TRAK1: variants seen among roughly 807,000 people sequenced by gnomAD.
TRAK1 encodes trafficking kinesin-binding protein 1.
TRAK1 carries 33 observed loss-of-function variants against 92.1 expected under a neutral mutation model. That is an observed-to-expected ratio of 0.36 (90% CI 0.27 to 0.48). The LOEUF (loss-of-function observed/expected upper bound fraction) is 0.48, where lower values mean the gene tolerates loss of function less well. Among genes scored for constraint, TRAK1 ranks in the 20% least tolerant of loss-of-function variants. The pLI is 0.99. For synonymous variants in TRAK1, 521 were observed against 517.3 expected, an observed-to-expected ratio of 1.01 and a Z score of -0.10; for missense variants, 1,123 against 1,257.9, an observed-to-expected ratio of 0.89 and a Z score of 1.62.
chr3:42,134,390 G>A (rs1697655000), intron 2 of TRAK1, among the ~76,000 whole-genome samples: 1 of 151,066 alleles, frequency 6.6e-6, no homozygotes, highest in African/African-American at 2.4e-5. Flanking sequence ...TGATCCTTCT[G>A]TCTCAGCCTC....
intron 15 of TRAK1, among the ~76,000 whole-genome samples, chr3:42,221,071 CTT>C (rs369421571): frequency 0.27 from 23,073 of 84,662 alleles, 2,008 homozygotes; most frequent in Middle Eastern, 0.35. Flanking sequence ...AGAGAAGGCT[CTT>C]TTTTTTTTTT....
At chr3:42,211,230 C>G in intron 14 of TRAK1, 2 of 985,342 alleles carry the variant, frequency 2.0e-6, no homozygotes, top group Non-Finnish European at 2.4e-6. Flanking sequence ...TGGTGTCTCC[C>G]ATTCCCCTGG....
At chr3:42,111,914 T>C (rs182384250) in intron 1 of TRAK1, among the ~76,000 whole-genome samples, 3 of 148,734 alleles carry the variant, frequency 2.0e-5, no homozygotes, top group African/African-American at 7.7e-5. Context: ...GGCTGACATC[T>C]TCTTTTTTTT....
In TRAK1 at chr3:42,149,432, ATTC is replaced by A; in HGVS notation, c.286+23823_286+23825del. On this transcript the variant is annotated intron_variant, in intron 2 of 15. Coordinates refer to ENST00000327628, the MANE Select transcript of TRAK1 (RefSeq NM_001042646.3). The stretch of plus-strand genomic sequence containing the variant: ...GCCTAATTCTGGTGTGTTTCGGGAT[ATTC>A]TTCTGTCCAGTATTCTGGAAGGGCG... 2.0e-6 allele frequency: 3 copies of A among 1,513,994 alleles called. No homozygotes were observed. In the South Asian group the frequency reaches 3.8e-5, roughly 19 times the overall value. The allele number at this position is 1,513,994 out of a possible 1,614,324, so 93.8% of individuals were successfully genotyped here. A position where few individuals can be genotyped will look rare whatever the true frequency, so the allele number is the denominator to read the frequency against.
At chr3:42,040,111 A>T (rs1000940519) in intron 1 of TRAK1, among the ~76,000 whole-genome samples, 7 of 151,798 alleles carry the variant, frequency 4.6e-5, no homozygotes, top group African/African-American at 1.7e-4. Context: ...CAGATATAGG[A>T]TTTGCATATA....
At chr3:42,181,147 C>T (rs1426037979) in intron 3 of TRAK1, among the ~76,000 whole-genome samples, 1 of 152,212 alleles carries the variant, frequency 6.6e-6, no homozygotes, top group Non-Finnish European at 1.5e-5. Flanking sequence ...GTGCTGGAAG[C>T]CTTCCGCATC....
intron 1 of TRAK1, among the ~76,000 whole-genome samples, chr3:42,034,986 C>T (rs1261188371): frequency 6.6e-6 from 1 of 152,234 alleles, no homozygotes; most frequent in Non-Finnish European, 1.5e-5. Flanking sequence ...GCCACATCCC[C>T]TGCAGCCATT....
intron 1 of TRAK1, among the ~76,000 whole-genome samples, chr3:42,105,217 G>A (rs909743957): frequency 3.9e-5 from 6 of 152,024 alleles, no homozygotes; most frequent in Non-Finnish European, 8.8e-5. Context: ...GCCTCCCAAA[G>A]TGCTGGGATT....
intron 8 of TRAK1, 59 bp downstream of exon 8, chr3:42,193,264 G>A: frequency 6.3e-7 from 1 of 1,599,348 alleles, no homozygotes. Flanking sequence ...ACGGGGAAGG[G>A]ACATTTACTC....
intron 1 of TRAK1, among the ~76,000 whole-genome samples, chr3:42,112,751 A>G (rs1708613500): frequency 7.3e-6 from 1 of 137,500 alleles, no homozygotes; most frequent in Admixed American, 8.0e-5. Context: ...AAAAAAAAAA[A>G]AAAAACCAAC....
chr3:42,210,346 C>T lies in TRAK1; in HGVS notation c.1963+361C>T, dbSNP rs1291906937. The stretch of plus-strand genomic sequence containing the variant: ...TAACAATGGGTGTAGCTCCCCTGCC[C>T]ATCTTGGAGGTGCATGGCCCATCAG... On this transcript the variant is annotated intron_variant, in intron 14 of 15. Transcript: ENST00000327628. 5.5e-6 allele frequency: 8 copies of T among 1,461,916 alleles called. No individual in the cohort carries two copies. In the East Asian group the frequency reaches 1.2e-4, roughly 21 times the overall value. The allele number at this position is 1,461,916 out of a possible 1,614,324, so 90.6% of individuals were successfully genotyped here.
At chr3:42,138,742 G>A (rs1327409904) in intron 2 of TRAK1, among the ~76,000 whole-genome samples, 8 of 131,626 alleles carry the variant, frequency 6.1e-5, no homozygotes, top group Non-Finnish European at 1.1e-4. Context: ...AAAAAAAAAA[G>A]TACAGACACC....
chr3:42,127,291 G>C (rs1430175697), intron 2 of TRAK1, among the ~76,000 whole-genome samples: 1 of 151,284 alleles, frequency 6.6e-6, no homozygotes, highest in African/African-American at 2.4e-5. Flanking sequence ...TTGTGATTCT[G>C]CAGTACCTAT....
Position 42,182,199 on chromosome 3 carries a change from G to T in TRAK1, c.364-2486G>T, listed in dbSNP as rs77871441. 6.6e-3 allele frequency among the ~76,000 whole-genome samples: 1,000 copies of T among 152,156 alleles called. 6 individuals are homozygous for T. The highest frequency in any genetic ancestry group is 0.021 in the African/African-American group (876 of 41,516). On this transcript the variant is annotated intron_variant, in intron 3 of 15. Transcript: ENST00000327628. ...AGATGCACCGTGTCCCCTTTGCCCCGTGAGAGGGCCGTCTCCACATGTACT... is the reference window on the plus strand; with the variant it reads ...AGATGCACCGTGTCCCCTTTGCCCCTTGAGAGGGCCGTCTCCACATGTACT...
At chr3:42,087,842 T>G (rs980725462), upstream of TRAK1, among the ~76,000 whole-genome samples, 3 of 152,194 alleles carry the variant, frequency 2.0e-5, no homozygotes, top group Admixed American at 1.3e-4. Flanking sequence ...GGAGTGCCCT[T>G]TGTACACCAT....
chr3:42,065,380 G>T (rs1171346734), intron 1 of TRAK1, among the ~76,000 whole-genome samples: 2 of 152,120 alleles, frequency 1.3e-5, no homozygotes, highest in Admixed American at 6.5e-5. Flanking sequence ...TATACTTGCG[G>T]ATTGAACATC....
chr3:42,158,500 G>A (rs906859252), intron 2 of TRAK1, among the ~76,000 whole-genome samples: 2 of 151,522 alleles, frequency 1.3e-5, no homozygotes, highest in Non-Finnish European at 2.9e-5. Flanking sequence ...TATTTTTTGA[G>A]TGTGTTTATA....
chr3:42,197,441 T>C (rs1706906324), intron 10 of TRAK1, among the ~76,000 whole-genome samples: 1 of 152,206 alleles, frequency 6.6e-6, no homozygotes, highest in African/African-American at 2.4e-5. Flanking sequence ...ATTTGTATTA[T>C]TTTTTGTTTT....
At chr3:42,037,329 C>A (rs1230736853) in intron 1 of TRAK1, among the ~76,000 whole-genome samples, 1 of 152,154 alleles carries the variant, frequency 6.6e-6, no homozygotes, top group East Asian at 1.9e-4. Flanking sequence ...TTATCTTATT[C>A]ACTGGCTTAT....
Sources: allele counts gnomAD v4.1 joint callset (sites outside exome capture counted in the v4.1 genomes callset), GRCh38; gene constraint gnomAD v4.1.1; transcripts MANE v1.5; gene names NCBI Gene and HGNC (gene_info 2026-07-23, HGNC 2026-07-21).